Variants in HS3ST5 observed in about 807,000 individuals in gnomAD.
HS3ST5 encodes heparan sulfate glucosamine 3-O-sulfotransferase 5.
Under a neutral mutation model 25.4 loss-of-function variants are expected in HS3ST5, and 10 were observed. The ratio of observed to expected loss-of-function variants is 0.39; its 90% CI spans 0.24 to 0.67. The LOEUF (loss-of-function observed/expected upper bound fraction) is 0.67, where lower values mean the gene tolerates loss of function less well. Ranked by LOEUF, HS3ST5 falls within the 30% of genes least tolerant of loss-of-function variation. The pLI, the probability that HS3ST5 is intolerant of heterozygous loss-of-function variation, is 0.44. For missense variants in HS3ST5, 324 were observed against 420.7 expected (o/e 0.77, Z 2.01); for synonymous variants, 170 against 162.4 (o/e 1.05, Z -0.36).
chr6:114,155,356 G>A (rs910656043), intron 3 of HS3ST5, among the ~76,000 whole-genome samples: 3 of 152,062 alleles, frequency 2.0e-5, no homozygotes, highest in South Asian at 2.1e-4. Flanking sequence ...AGTGAAGTCC[G>A]TGGTAGAATT....
At chr6:114,273,349 G>A (rs1230555772) in intron 1 of HS3ST5, among the ~76,000 whole-genome samples, 1 of 152,068 alleles carries the variant, frequency 6.6e-6, no homozygotes, top group African/African-American at 2.4e-5. Flanking sequence ...ATTGGGATTT[G>A]TTTTGGATCT....
intron 3 of HS3ST5, among the ~76,000 whole-genome samples, chr6:114,099,004 C>T (rs963115928): frequency 1.3e-5 from 2 of 151,946 alleles, no homozygotes; most frequent in African/African-American, 4.8e-5. Context: ...TAAATATATA[C>T]CCGAAGTTAA....
intron 3 of HS3ST5, among the ~76,000 whole-genome samples, chr6:114,117,613 C>T (rs1776593088): frequency 6.6e-6 from 1 of 152,130 alleles, no homozygotes; most frequent in Non-Finnish European, 1.5e-5. Flanking sequence ...ATAAATTGGC[C>T]ATCCAATCTA....
At position 114,161,168 on chromosome 6, in the gene HS3ST5, C is replaced by T. The variant is rs1013440964; in HGVS notation, c.-33+7183G>A. On this transcript the variant is annotated intron_variant, in intron 3 of 4. Coordinates refer to ENST00000312719, the MANE Select transcript of HS3ST5 (RefSeq NM_153612.4). ...CAAACCCAACTCCCCTCAAGGTCAGCGATATGAGAGGGCAGATATCAAACG... is the reference window on the plus strand; with the variant it reads ...CAAACCCAACTCCCCTCAAGGTCAGTGATATGAGAGGGCAGATATCAAACG... Among the ~76,000 whole-genome samples the T allele has an allele frequency of 4.0e-5, 6 of 151,864 alleles. No homozygotes were observed. In the East Asian group the frequency reaches 5.8e-4, roughly 15 times the overall value.
At chr6:114,084,693 G>T (rs1034609435) in intron 3 of HS3ST5, 7 of 1,266,268 alleles carry the variant, frequency 5.5e-6, no homozygotes, top group Non-Finnish European at 8.0e-6. Context: ...ACAAGAAGCC[G>T]TGGCTCCTGG....
At chr6:114,197,363 T>C (rs1439444721) in intron 2 of HS3ST5, among the ~76,000 whole-genome samples, 1 of 152,166 alleles carries the variant, frequency 6.6e-6, no homozygotes, top group Non-Finnish European at 1.5e-5. Flanking sequence ...CCATATACTC[T>C]ACAATAATTC....
chr6:114,194,699 G>A (rs993922720), intron 2 of HS3ST5, among the ~76,000 whole-genome samples: 5 of 152,148 alleles, frequency 3.3e-5, no homozygotes, highest in African/African-American at 1.2e-4. Context: ...TCTACCCCTG[G>A]ATCATGCTAA....
intron 1 of HS3ST5, among the ~76,000 whole-genome samples, chr6:114,254,553 T>C (rs1187838819): frequency 6.6e-6 from 1 of 152,158 alleles, no homozygotes; most frequent in African/African-American, 2.4e-5. Flanking sequence ...GTTGTATTAG[T>C]CCTTTTTCAC....
At chr6:114,129,719 A>AT (rs1319960349) in intron 3 of HS3ST5, among the ~76,000 whole-genome samples, 9 of 152,196 alleles carry the variant, frequency 5.9e-5, no homozygotes, top group Non-Finnish European at 4.4e-5. Context: ...TTTTGCTAGT[A>AT]TTTTTTATGT....
chr6:114,290,836 A>T (rs1562265644), intron 1 of HS3ST5, among the ~76,000 whole-genome samples: 1 of 150,392 alleles, frequency 6.6e-6, no homozygotes, highest in Non-Finnish European at 1.5e-5. Flanking sequence ...TTGTGTTACT[A>T]TTTTTTTTTT....
intron 2 of HS3ST5, among the ~76,000 whole-genome samples, chr6:114,211,408 C>T (rs1016874871): frequency 3.3e-5 from 5 of 152,136 alleles, no homozygotes; most frequent in African/African-American, 4.8e-5. Flanking sequence ...AGTTTCATGA[C>T]ATCTGTAAGT....
chr6:114,071,911 A>T (rs900986875), intron 3 of HS3ST5, among the ~76,000 whole-genome samples: 18 of 152,158 alleles, frequency 1.2e-4, no homozygotes, highest in African/African-American at 4.3e-4. Context: ...AGATCTCAAC[A>T]TTGCAGCATG....
chr6:114,136,059 T>C lies in HS3ST5; in HGVS notation c.-33+32292A>G, dbSNP rs547318813. Among the ~76,000 whole-genome samples the C allele has an allele frequency of 9.2e-5, 14 of 152,328 alleles. No individual in the cohort carries two copies. In the South Asian group the frequency reaches 2.5e-3, roughly 27 times the overall value. On this transcript the variant is annotated intron_variant, in intron 3 of 4. Transcript: ENST00000312719. ...ACAGTGGGTGCTCAGTGCATACTGG[T>C]TGAATGAATGAATAAATCCTGCCTT...
At position 114,140,145 on chromosome 6, in the gene HS3ST5, C is replaced by T. The variant is rs1237086668; in HGVS notation, c.-33+28206G>A. On this transcript the variant is annotated intron_variant, in intron 3 of 4. Transcript: ENST00000312719. The stretch of plus-strand genomic sequence containing the variant: ...TTCTTTTTCAATCCTTCTATTTATT[C>T]AAGGGGAAAAGTCTCAGTTTGATGC... 2.6e-5 allele frequency among the ~76,000 whole-genome samples: 4 copies of T among 152,058 alleles called. No homozygotes were observed. The East Asian group carries it at 5.8e-4, about 22-fold the overall frequency.
chr6:114,112,901 A>C (rs1776335486), intron 3 of HS3ST5, among the ~76,000 whole-genome samples: 1 of 152,164 alleles, frequency 6.6e-6, no homozygotes, highest in Admixed American at 6.5e-5. Flanking sequence ...TCTGTCTTCC[A>C]CATGTTATAG....
At chr6:114,218,985 A>C (rs1282055717) in intron 2 of HS3ST5, among the ~76,000 whole-genome samples, 1 of 152,210 alleles carries the variant, frequency 6.6e-6, no homozygotes, top group African/African-American at 2.4e-5. Flanking sequence ...AATTAGATTG[A>C]AACTGGATTT....
At chr6:114,134,657 G>T (rs11153466) in intron 3 of HS3ST5, among the ~76,000 whole-genome samples, 42,775 of 152,076 alleles carry the variant, frequency 0.28, 6,722 homozygotes, top group South Asian at 0.42. Flanking sequence ...TGGAGAATCA[G>T]TTTTTTAAAA....
intron 1 of HS3ST5, among the ~76,000 whole-genome samples, chr6:114,333,988 G>A (rs186240616): frequency 1.5e-3 from 224 of 152,248 alleles, no homozygotes; most frequent in African/African-American, 5.0e-3. Context: ...CCTTGTACCC[G>A]TCTTGTGCTC....
intron 2 of HS3ST5, among the ~76,000 whole-genome samples, chr6:114,173,287 C>T (rs1779558260): frequency 6.6e-6 from 1 of 152,164 alleles, no homozygotes. Context: ...CGATTTTGCA[C>T]TTCTTATGGC....
Sources: allele counts gnomAD v4.1 joint callset (sites outside exome capture counted in the v4.1 genomes callset), GRCh38; gene constraint gnomAD v4.1.1; transcripts MANE v1.5; gene names NCBI Gene and HGNC (gene_info 2026-07-23, HGNC 2026-07-21).